AKNA: variants seen among roughly 807,000 people sequenced by gnomAD.
AKNA encodes microtubule organization protein AKNA.
AKNA carries 67 observed loss-of-function variants against 138.8 expected under a neutral mutation model. That is an observed-to-expected ratio of 0.48 (90% CI 0.40 to 0.59). The LOEUF is 0.59. Ranked by LOEUF, AKNA falls within the 20% of genes least tolerant of loss-of-function variation. The pLI is 0.00. For synonymous variants in AKNA, 737 were observed against 754.4 expected, an observed-to-expected ratio of 0.98 and a Z score of 0.38; for missense variants, 1,813 against 1,880.4, an observed-to-expected ratio of 0.96 and a Z score of 0.66.
At position 114,350,893 on chromosome 9, in the gene AKNA, T is replaced by C; in HGVS notation, c.3187A>G (p.Ile1063Val). ...APLPCGPTET[I>V]PSFLLTRAGR... ...GCCCTGGTGAGCAGGAAGCTGGGGA[T>C]GGTCTCTGTTGGTCCACAGGGTAGA... The change falls in exon 15 of 22, where the codon ATC becomes GTC. Residue 1063 changes from isoleucine to valine, a missense_variant. Coordinates refer to ENST00000374088, the MANE Select transcript of AKNA (RefSeq NM_001317950.2). 1 of 1,591,018 alleles carries C rather than the reference T, an allele frequency of 6.3e-7. No individual in the cohort carries two copies. The highest frequency in any genetic ancestry group is 8.6e-7 in the Non-Finnish European group (1 of 1,168,708).
rs765559596 is a variant in AKNA, at chr9:114,376,824, C to A, written c.983G>T (p.Gly328Val). The A allele has an allele frequency of 4.3e-6, 7 of 1,612,696 alleles. No individual in the cohort carries two copies. Among genetic ancestry groups the A allele is most frequent in the Non-Finnish European group, 5.9e-6 (7 of 1,179,290 alleles). The change falls in exon 3 of 22, where the codon GGC (glycine) becomes GTC (valine). Residue 328 changes from glycine to valine, a missense_variant. Coordinates refer to ENST00000374088, the MANE Select transcript of AKNA (RefSeq NM_001317950.2). ...LNPQPRPTRQ[G>V]RPLPRQGATL... Reference sequence around the variant, plus strand: ...GGCTCCCTGTCTGGGCAGCGGCCTGCCCTGCCGCGTTGGCCTGGGCTGGGG... The same window carrying A: ...GGCTCCCTGTCTGGGCAGCGGCCTGACCTGCCGCGTTGGCCTGGGCTGGGG...
chr9:114,383,117 A>G (rs1168612054), intron 1 of AKNA: 1 of 455,892 alleles, frequency 2.2e-6, no homozygotes, highest in African/African-American at 2.0e-5. Flanking sequence ...TATTGAACAC[A>G]GGGAAAGCCC....
rs147861969 is a variant in AKNA at position 114,376,522 on chromosome 9, C to G, written c.1285G>C (p.Val429Leu). Residue 429 changes from valine (V) to leucine (L), a missense_variant, in exon 3 of 22, where the codon GTA (valine) becomes CTA (leucine). Val to Leu is a conservative substitution (Grantham distance 32). Transcript: ENST00000374088. ...DTPPAHPITR[V>L]PQEFQTPEQA... ...TCAGGCGTCTGAAATTCTTGGGGTA[C>G]CCTGGTGATAGGGTGGGCAGGAGGC... 65 of 1,613,838 alleles carry G rather than the reference C, an allele frequency of 4.0e-5. No homozygotes were observed. The highest frequency in any genetic ancestry group is 5.1e-5 in the Non-Finnish European group (60 of 1,179,946).
chr9:114,375,295 T>C (rs1464571509), intron 3 of AKNA, among the ~76,000 whole-genome samples: 2 of 151,870 alleles, frequency 1.3e-5, no homozygotes, highest in Non-Finnish European at 2.9e-5. Flanking sequence ...CCGCAACAAA[T>C]GAATTGCACG....
At chr9:114,356,385 T>G (rs1242757573) in intron 13 of AKNA, among the ~76,000 whole-genome samples, 1 of 152,134 alleles carries the variant, frequency 6.6e-6, no homozygotes, top group African/African-American at 2.4e-5. Context: ...AAAAGAGAAA[T>G]AGGATTTCTA....
At chr9:114,361,104 C>G (rs983463640) in intron 9 of AKNA, among the ~76,000 whole-genome samples, 1 of 152,090 alleles carries the variant, frequency 6.6e-6, no homozygotes, top group Non-Finnish European at 1.5e-5. Context: ...TATGTCATCC[C>G]CTGCCAGAAA....
intron 17 of AKNA, among the ~76,000 whole-genome samples, 197 bp from the exon 18 acceptor site, chr9:114,346,206 C>T (rs1054627695): frequency 8.5e-5 from 13 of 152,264 alleles, no homozygotes; most frequent in Middle Eastern, 3.4e-3. Flanking sequence ...CTGTGTGTGC[C>T]GTGTTGGGCA....
At chr9:114,386,771 C>G (rs1173814351) in intron 1 of AKNA, among the ~76,000 whole-genome samples, 2 of 152,134 alleles carry the variant, frequency 1.3e-5, no homozygotes, top group East Asian at 1.9e-4. Flanking sequence ...ACCACCCACA[C>G]AGGGCTTCTC....
intron 3 of AKNA, among the ~76,000 whole-genome samples, chr9:114,374,555 G>C (rs144509000): frequency 6.6e-6 from 1 of 152,162 alleles, no homozygotes; most frequent in Non-Finnish European, 1.5e-5. Context: ...CTGCACTGTC[G>C]GTGTTTAAGA....
intron 7 of AKNA, among the ~76,000 whole-genome samples, chr9:114,362,956 T>C (rs12337816): frequency 0.1 from 15,524 of 152,290 alleles, 1,124 homozygotes; most frequent in Non-Finnish European, 0.13. Context: ...AATTAGCCAC[T>C]CTTTCCCCAA....
chr9:114,342,343 T>C (rs1588943421), intron 19 of AKNA, among the ~76,000 whole-genome samples: 2 of 152,148 alleles, frequency 1.3e-5, no homozygotes, highest in East Asian at 3.8e-4. Context: ...TGCATTATTT[T>C]ATCAAATCCA....
intron 1 of AKNA, among the ~76,000 whole-genome samples, chr9:114,394,030 G>A (rs572303483): frequency 9.9e-5 from 15 of 152,120 alleles, no homozygotes; most frequent in African/African-American, 3.6e-4. Flanking sequence ...AAAATTAGCT[G>A]GGTGTGGTGA....
In AKNA at chr9:114,360,079, GGACA is replaced by G; in HGVS notation, c.2125-21_2125-18del. On this transcript the variant is annotated intron_variant, in intron 9 of 21. Transcript: ENST00000374088. ...GGTAGCAGGCTGGGGTCAGAAAGAT[GGACA>G]GACAGAGATTCAGCAGATAGTTAAA... 4 of 1,614,028 alleles carry G rather than the reference GGACA, an allele frequency of 2.5e-6. No individual in the cohort carries two copies. The highest frequency in any genetic ancestry group is 3.4e-6 in the Non-Finnish European group (4 of 1,180,030).
intron 20 of AKNA, 136 bp downstream of exon 20, chr9:114,341,873 G>C: frequency 7.6e-7 from 1 of 1,308,864 alleles, no homozygotes; most frequent in Non-Finnish European, 1.1e-6. Flanking sequence ...TCTCTTTGGG[G>C]AACAAATCCT....
intron 21 of AKNA, 81 bp from the exon 22 acceptor site, chr9:114,337,387 C>G (rs1189529106): frequency 7.5e-7 from 1 of 1,333,388 alleles, no homozygotes; most frequent in Non-Finnish European, 9.7e-7. Context: ...GGGGTCAACC[C>G]CCTTCTAAAT....
intron 4 of AKNA, among the ~76,000 whole-genome samples, chr9:114,373,722 T>C (rs1431436109): frequency 1.4e-5 from 2 of 142,062 alleles, no homozygotes; most frequent in African/African-American, 5.0e-5. Context: ...CTACAAAACA[T>C]TGAAAAAAAA....
intron 18 of AKNA, chr9:114,345,255 T>A (rs1443563363): frequency 6.6e-6 from 1 of 152,136 alleles, no homozygotes; most frequent in African/African-American, 2.4e-5. Flanking sequence ...TTTTTTTGCA[T>A]GTTTAGTAGA....
At chr9:114,340,821 T>C (rs1830290933) in intron 21 of AKNA, among the ~76,000 whole-genome samples, 2 of 152,068 alleles carry the variant, frequency 1.3e-5, no homozygotes, top group East Asian at 3.9e-4. Flanking sequence ...CGACCAGGAC[T>C]CCCCAGAGAT....
chr9:114,346,728 G>A lies in AKNA; in HGVS notation c.3455C>T (p.Pro1152Leu), dbSNP rs1188721469. The change falls in exon 17 of 22, where the codon CCA becomes CTA. Residue 1152 changes from proline to leucine, a missense_variant. Coordinates refer to ENST00000374088, the MANE Select transcript of AKNA (RefSeq NM_001317950.2). The stretch of plus-strand genomic sequence containing the variant: ...GGAAGACCTGGCTCGCTGCCTTCCT[G>A]GAGGGACAATCTGCTCTTCACCTCT... Reference protein sequence around the residue: ...EPRGEEQIVPPGRQRARSSSV... With the variant: ...EPRGEEQIVPLGRQRARSSSV... The A allele has an allele frequency of 6.2e-7, 1 of 1,613,138 alleles. No individual in the cohort carries two copies. Among genetic ancestry groups the A allele is most frequent in the Non-Finnish European group, 8.5e-7 (1 of 1,179,612 alleles).
Sources: gnomAD v4.1 joint callset for allele counts (sites outside exome capture counted in the v4.1 genomes callset) on GRCh38, gnomAD v4.1.1 for gene constraint, MANE v1.5 for transcripts, NCBI Gene and HGNC (gene_info 2026-07-23, HGNC 2026-07-21) for gene names.